The following METTL15 variants were observed in gnomAD, a reference collection of about 807,000 sequenced individuals.
The protein encoded by METTL15 is 12S rRNA N(4)-cytidine methyltransferase METTL15.
In METTL15, 34 loss-of-function variants were observed where a neutral mutation model predicts 38.3. The ratio of observed to expected loss-of-function variants is 0.89; its 90% confidence interval spans 0.68 to 1.18. The LOEUF is 1.18. Ranked by LOEUF, METTL15 falls within the 50% of genes most tolerant of loss-of-function variation. The probability of loss-of-function intolerance (pLI) is 0.00; values close to 1 mark genes in which losing one functional copy is unlikely to be tolerated. For synonymous variants in METTL15, 162 were observed against 170.9 expected, an observed-to-expected ratio of 0.95 and a Z score of 0.41; for missense variants, 438 against 498.4, an observed-to-expected ratio of 0.88 and a Z score of 1.15.
intron 3 of METTL15, among the ~76,000 whole-genome samples, chr11:28,123,668 G>T (rs749156427): frequency 3.3e-5 from 5 of 151,630 alleles, no homozygotes; most frequent in Non-Finnish European, 7.4e-5. Context: ...TCTCTCTGTT[G>T]GTCTGTATAA....
intron 5 of METTL15, among the ~76,000 whole-genome samples, chr11:28,395,909 G>A (rs559700683): frequency 1.4e-4 from 21 of 152,178 alleles, no homozygotes; most frequent in African/African-American, 5.1e-4. Context: ...TGATCAAGTG[G>A]GCTTCATCCC....
At chr11:28,479,037 A>C (rs1851372054) in intron 6 of METTL15, among the ~76,000 whole-genome samples, 1 of 144,440 alleles carries the variant, frequency 6.9e-6, no homozygotes, top group South Asian at 2.3e-4. Flanking sequence ...TGAAAACTCT[A>C]GTTTTTTGCT....
chr11:28,247,394 T>C (rs1854557350), intron 4 of METTL15, among the ~76,000 whole-genome samples: 1 of 152,258 alleles, frequency 6.6e-6, no homozygotes, highest in Admixed American at 6.5e-5. Flanking sequence ...CAATTTATAA[T>C]AACAGTTTTA....
At chr11:28,527,070 C>A (rs1374372868), downstream of METTL15, 1 of 152,022 alleles carries the variant, frequency 6.6e-6, no homozygotes, top group Non-Finnish European at 1.5e-5. Context: ...TACCTATTTT[C>A]TGAGAAGACA....
At chr11:28,248,544 A>G (rs1854607534) in intron 4 of METTL15, among the ~76,000 whole-genome samples, 1 of 151,952 alleles carries the variant, frequency 6.6e-6, no homozygotes, top group Admixed American at 6.6e-5. Context: ...ATTTTATTCC[A>G]TTGTATTAGC....
chr11:28,168,949 T>C (rs1390247611), intron 3 of METTL15, among the ~76,000 whole-genome samples: 4 of 152,094 alleles, frequency 2.6e-5, no homozygotes, highest in African/African-American at 9.7e-5. Context: ...CAGATTAGAA[T>C]GACCTTTGGG....
chr11:28,381,976 A>G (rs1028953621), intron 5 of METTL15, among the ~76,000 whole-genome samples: 1 of 152,152 alleles, frequency 6.6e-6, no homozygotes, highest in Non-Finnish European at 1.5e-5. Flanking sequence ...TATTTATCCA[A>G]ATCTTCTATG....
At chr11:28,281,614 A>C (rs1323323562) in intron 4 of METTL15, among the ~76,000 whole-genome samples, 1 of 152,244 alleles carries the variant, frequency 6.6e-6, no homozygotes, top group Non-Finnish European at 1.5e-5. Flanking sequence ...TGCTGTAAAC[A>C]GAAATAGATG....
intron 6 of METTL15, among the ~76,000 whole-genome samples, chr11:28,465,647 G>A (rs763486082): frequency 1.3e-5 from 2 of 152,152 alleles, no homozygotes; most frequent in Non-Finnish European, 2.9e-5. Context: ...TGTTTTGCCT[G>A]TATCCCCCAG....
chr11:28,174,441 C>T (rs1044456598), intron 3 of METTL15, among the ~76,000 whole-genome samples: 1 of 152,040 alleles, frequency 6.6e-6, no homozygotes, highest in South Asian at 2.1e-4. Flanking sequence ...CTGTAATATG[C>T]AGCATTATTT....
chr11:28,205,677 GCCACACTGACTT>G (rs1852305093), intron 3 of METTL15, among the ~76,000 whole-genome samples: 1 of 151,318 alleles, frequency 6.6e-6, no homozygotes, highest in Admixed American at 6.6e-5. Flanking sequence ...CTGAGGAATC[GCCACACTGACTT>G]CCACAATGGT....
At chr11:28,447,244 C>T (rs936174592) in intron 6 of METTL15, among the ~76,000 whole-genome samples, 1 of 151,974 alleles carries the variant, frequency 6.6e-6, no homozygotes, top group South Asian at 2.1e-4. Context: ...ATGTAATTCT[C>T]TCATGAGATT....
chr11:28,430,091 G>C (rs1289779900), intron 6 of METTL15, among the ~76,000 whole-genome samples: 4 of 148,138 alleles, frequency 2.7e-5, no homozygotes, highest in African/African-American at 1.0e-4. Context: ...CGGCCGCCCT[G>C]TCTGAGAAGT....
intron 3 of METTL15, among the ~76,000 whole-genome samples, chr11:28,138,682 C>T (rs1211366999): frequency 6.6e-6 from 1 of 152,124 alleles, no homozygotes; most frequent in Non-Finnish European, 1.5e-5. Flanking sequence ...GTACTCATTC[C>T]CTATGCCAAA....
At chr11:28,340,079 G>T (rs1208658813) in intron 3 of METTL15, among the ~76,000 whole-genome samples, 1 of 151,868 alleles carries the variant, frequency 6.6e-6, no homozygotes, top group African/African-American at 2.4e-5. Context: ...GAAGCTGAAG[G>T]GTCAGGAGAT....
intron 6 of METTL15, among the ~76,000 whole-genome samples, chr11:28,329,861 T>A (rs1378850772): frequency 5.3e-5 from 8 of 152,108 alleles, no homozygotes; most frequent in African/African-American, 9.7e-5. Context: ...GTAAACAGAG[T>A]GTTCTTCTCA....
intron 3 of METTL15, among the ~76,000 whole-genome samples, chr11:28,170,481 A>T (rs917051595): frequency 6.6e-6 from 1 of 152,170 alleles, no homozygotes; most frequent in Non-Finnish European, 1.5e-5. Flanking sequence ...GTAAAGGAAT[A>T]AAAGAATGGC....
chr11:28,530,312 C>CTTA (rs1851837397), downstream of METTL15, among the ~76,000 whole-genome samples: 1 of 152,086 alleles, frequency 6.6e-6, no homozygotes, highest in African/African-American at 2.4e-5. Flanking sequence ...GCAGTAAAGG[C>CTTA]TTATAAAGCA....
chr11:28,274,942 T>A (rs893247345), intron 4 of METTL15, among the ~76,000 whole-genome samples: 2 of 150,648 alleles, frequency 1.3e-5, no homozygotes, highest in Non-Finnish European at 3.0e-5. Flanking sequence ...TAATACAAAA[T>A]ATATATATAT....
Sources: gnomAD v4.1 joint callset for allele counts (sites outside exome capture counted in the v4.1 genomes callset) on GRCh38, gnomAD v4.1.1 for gene constraint, MANE v1.5 for transcripts, NCBI Gene and HGNC (gene_info 2026-07-23, HGNC 2026-07-21) for gene names.